The following UNC5C variants were observed in gnomAD, a reference collection of about 807,000 sequenced individuals.
UNC5C encodes the protein unc-5 netrin receptor C, also known as netrin receptor UNC5C.
A neutral mutation model predicts 99.8 loss-of-function variants in UNC5C; 47 were observed. The ratio of observed to expected loss-of-function variants is 0.47; its 90% CI spans 0.37 to 0.60. The LOEUF is 0.60. Among genes scored for constraint, UNC5C ranks in the 20% least tolerant of loss-of-function variants. The pLI is 0.00. For missense variants in UNC5C, 1,062 were observed against 1,165.9 expected (o/e 0.91, Z 1.30); for synonymous variants, 487 against 452.2 (o/e 1.08, Z -0.98).
chr4:95,342,137 C>G (rs1056122300), intron 1 of UNC5C, among the ~76,000 whole-genome samples: 2 of 152,114 alleles, frequency 1.3e-5, no homozygotes, highest in African/African-American at 4.8e-5. Flanking sequence ...CTCGGAACCA[C>G]TGGACTTGGG....
chr4:95,287,429 C>T (rs147298468), intron 3 of UNC5C, among the ~76,000 whole-genome samples: 3 of 152,234 alleles, frequency 2.0e-5, no homozygotes, highest in Non-Finnish European at 2.9e-5. Flanking sequence ...CTTTTCGGAA[C>T]CAATGTTGTC....
intron 6 of UNC5C, among the ~76,000 whole-genome samples, chr4:95,243,001 CAT>C (rs1289610703): frequency 6.6e-6 from 1 of 152,126 alleles, no homozygotes; most frequent in African/African-American, 2.4e-5. Flanking sequence ...AAAGTAAGCT[CAT>C]GTGAGAATTC....
intron 1 of UNC5C, among the ~76,000 whole-genome samples, chr4:95,438,502 G>A (rs942497626): frequency 6.6e-6 from 1 of 151,994 alleles, no homozygotes; most frequent in Admixed American, 6.6e-5. Context: ...TAATGCAAAA[G>A]TATATGTCTC....
chr4:95,508,905 G>A (rs961234506), intron 1 of UNC5C, among the ~76,000 whole-genome samples: 3 of 151,784 alleles, frequency 2.0e-5, no homozygotes, highest in Admixed American at 6.6e-5. Context: ...TAGAAATCTA[G>A]ACATGAATAT....
intron 1 of UNC5C, among the ~76,000 whole-genome samples, chr4:95,339,089 C>A (rs1039209048): frequency 1.1e-4 from 17 of 152,024 alleles, no homozygotes; most frequent in Non-Finnish European, 1.5e-5. Context: ...ACTGGATATT[C>A]ATTTTGGAAC....
intron 1 of UNC5C, among the ~76,000 whole-genome samples, chr4:95,393,971 C>T (rs1378265153): frequency 2.0e-5 from 3 of 151,296 alleles, no homozygotes; most frequent in Admixed American, 2.0e-4. Flanking sequence ...GTTTTGTAAA[C>T]CTATTCTCTG....
At chr4:95,390,613 C>A (rs114162734) in intron 1 of UNC5C, among the ~76,000 whole-genome samples, 3 of 152,240 alleles carry the variant, frequency 2.0e-5, no homozygotes, top group Non-Finnish European at 4.4e-5. Flanking sequence ...GGGGTCTCTA[C>A]AAACTTTTAG....
intron 1 of UNC5C, among the ~76,000 whole-genome samples, chr4:95,463,256 AAT>A (rs146254728): frequency 0.011 from 1,704 of 152,266 alleles, 21 homozygotes; most frequent in Non-Finnish European, 0.019. Context: ...AGAGCCGCTG[AAT>A]ATGTGGACAC....
intron 1 of UNC5C, among the ~76,000 whole-genome samples, chr4:95,524,472 T>C (rs1435010674): frequency 6.6e-6 from 1 of 152,214 alleles, no homozygotes; most frequent in East Asian, 1.9e-4. Flanking sequence ...TCCACCTGCA[T>C]GCATGTTCTT....
At chr4:95,470,230 G>A (rs1016985547) in intron 1 of UNC5C, among the ~76,000 whole-genome samples, 3 of 152,006 alleles carry the variant, frequency 2.0e-5, no homozygotes, top group Admixed American at 2.0e-4. Context: ...GGCTACTCGA[G>A]TTCACCTGCA....
chr4:95,262,219 T>C (rs1740265492), intron 4 of UNC5C, among the ~76,000 whole-genome samples: 1 of 152,142 alleles, frequency 6.6e-6, no homozygotes, highest in African/African-American at 2.4e-5. Flanking sequence ...AATCAGGTGG[T>C]TTAAATTCTT....
intron 1 of UNC5C, among the ~76,000 whole-genome samples, chr4:95,418,054 A>G (rs1046588728): frequency 6.6e-6 from 1 of 152,182 alleles, no homozygotes; most frequent in Non-Finnish European, 1.5e-5. Context: ...TCCTTCTTCC[A>G]TGTGGTGTGA....
intron 1 of UNC5C, among the ~76,000 whole-genome samples, chr4:95,507,290 A>T (rs780750449): frequency 1.3e-5 from 2 of 152,042 alleles, no homozygotes; most frequent in Non-Finnish European, 2.9e-5. Flanking sequence ...TGAGCTAATG[A>T]GGCACCATTA....
chr4:95,323,000 A>T (rs1468390769), intron 2 of UNC5C, among the ~76,000 whole-genome samples: 1 of 152,060 alleles, frequency 6.6e-6, no homozygotes, highest in Non-Finnish European at 1.5e-5. Flanking sequence ...CATATGAATT[A>T]TCAAAATATT....
At chr4:95,287,134 CA>C (rs1741265799) in intron 3 of UNC5C, among the ~76,000 whole-genome samples, 1 of 152,182 alleles carries the variant, frequency 6.6e-6, no homozygotes, top group African/African-American at 2.4e-5. Flanking sequence ...AGAAAGCCAA[CA>C]AGAGATGTTG....
At chr4:95,419,582 G>A (rs1365335174) in intron 1 of UNC5C, among the ~76,000 whole-genome samples, 1 of 152,108 alleles carries the variant, frequency 6.6e-6, no homozygotes, top group Admixed American at 6.6e-5. Flanking sequence ...AGGATTTCTG[G>A]TGAATGCTAT....
At chr4:95,238,889 A>G (rs1739223973) in intron 7 of UNC5C, among the ~76,000 whole-genome samples, 1 of 151,784 alleles carries the variant, frequency 6.6e-6, no homozygotes, top group Non-Finnish European at 1.5e-5. Flanking sequence ...TAGACATTCC[A>G]TTTGTTTTTT....
At chr4:95,274,931 C>T (rs1264512316) in intron 4 of UNC5C, among the ~76,000 whole-genome samples, 2 of 152,012 alleles carry the variant, frequency 1.3e-5, no homozygotes, top group African/African-American at 4.8e-5. Flanking sequence ...AAGGCTGAGG[C>T]ATGAGAATTG....
At chr4:95,359,448 T>C (rs894627499) in intron 1 of UNC5C, among the ~76,000 whole-genome samples, 1 of 151,914 alleles carries the variant, frequency 6.6e-6, no homozygotes, top group Non-Finnish European at 1.5e-5. Flanking sequence ...ACTAGAGAAG[T>C]GTTTTCTCAG....
Sources: gnomAD v4.1 joint callset for allele counts (sites outside exome capture counted in the v4.1 genomes callset) on GRCh38, gnomAD v4.1.1 for gene constraint, MANE v1.5 for transcripts, NCBI Gene and HGNC (gene_info 2026-07-23, HGNC 2026-07-21) for gene names.